Variants in TANC2 observed in about 807,000 individuals in gnomAD.
TANC2 encodes protein TANC2.
Under a neutral mutation model 210.5 loss-of-function variants are expected in TANC2, and 26 were observed. That is an observed-to-expected ratio of 0.12 (90% CI 0.09 to 0.17). TANC2 has a LOEUF of 0.17. Among genes scored for constraint, TANC2 ranks in the 10% least tolerant of loss-of-function variants. The pLI, the probability that TANC2 is intolerant of heterozygous loss-of-function variation, is 1.00. For missense variants in TANC2, 2,129 were observed against 2,608.9 expected (o/e 0.82, Z 4.01); for synonymous variants, 931 against 967.1 (o/e 0.96, Z 0.69).
exon 28 of TANC2, chr17:63,422,313 C>CT (rs1472216435): frequency 1.1e-5 from 2 of 190,060 alleles, no homozygotes; most frequent in African/African-American, 4.7e-5. Context: ...TGTCTTTTTC[C>CT]TTTTTTAAAA....
intron 4 of TANC2, chr17:63,149,138 T>A (rs1447615306): frequency 6.6e-6 from 1 of 152,132 alleles, no homozygotes; most frequent in Non-Finnish European, 1.5e-5. Flanking sequence ...TTGGTATACA[T>A]CGAGCTTCAT....
intron 4 of TANC2, among the ~76,000 whole-genome samples, chr17:63,129,180 C>A (rs575461860): frequency 2.0e-5 from 3 of 151,748 alleles, no homozygotes; most frequent in Admixed American, 2.0e-4. Flanking sequence ...TTAATTTTAA[C>A]TTTTGTAGAG....
intron 1 of TANC2, among the ~76,000 whole-genome samples, chr17:62,992,423 T>C (rs1484020887): frequency 2.6e-5 from 4 of 152,244 alleles, no homozygotes; most frequent in Admixed American, 6.5e-5. Context: ...TCAGACATGG[T>C]ATAAATTTTT....
Position 63,073,969 on chromosome 17 carries a change from C to G in TANC2, c.94C>G (p.Arg32Gly), listed in dbSNP as rs1468782400. 7 of 1,589,626 alleles carry G rather than the reference C, an allele frequency of 4.4e-6. No homozygotes were observed. Among genetic ancestry groups the G allele is most frequent in the Admixed American group, 3.5e-5 (2 of 56,922 alleles). The change falls in exon 3 of 28, where the codon CGA (arginine) becomes GGA (glycine). Residue 32 changes from arginine (R) to glycine (G), a missense_variant. Arg to Gly is a moderately radical substitution (Grantham distance 125). Transcript: ENST00000689528. ...TGGAGGGAGCGAGGAACCACCGGAT[C>G]GAAGACAGTCAAGTGTAGACTCTCG...
At chr17:63,055,986 AAAAAATATATATATATAT>A (rs1288290627) in intron 2 of TANC2, among the ~76,000 whole-genome samples, 5 of 11,204 alleles carry the variant, frequency 4.5e-4, no homozygotes, top group Admixed American at 1.7e-3. Context: ...AAAAAAAAAA[AAAAAATATATATATATAT>A]ATATATATAT....
intron 4 of TANC2, among the ~76,000 whole-genome samples, chr17:63,119,513 G>C (rs1436365657): frequency 1.3e-5 from 2 of 152,096 alleles, no homozygotes; most frequent in Non-Finnish European, 2.9e-5. Context: ...ACAAGATTTT[G>C]CTTCCGTCAT....
chr17:63,148,558 T>TTG (rs1283977098), intron 4 of TANC2: 1 of 152,160 alleles, frequency 6.6e-6, no homozygotes, highest in African/African-American at 2.4e-5. Context: ...ACTCAAGTCA[T>TTG]TGAGGGCATA....
At chr17:63,140,994 C>T (rs1019072066) in intron 4 of TANC2, among the ~76,000 whole-genome samples, 2 of 151,950 alleles carry the variant, frequency 1.3e-5, no homozygotes, top group African/African-American at 4.8e-5. Flanking sequence ...AAGTGATTCA[C>T]CTGCCTTGGC....
intron 5 of TANC2, among the ~76,000 whole-genome samples, chr17:63,172,003 T>C (rs2040420264): frequency 6.6e-6 from 1 of 152,184 alleles, no homozygotes; most frequent in African/African-American, 2.4e-5. Flanking sequence ...AGAGCAATGA[T>C]ATTTTATTTT....
At chr17:63,050,574 A>T (rs565239537) in intron 2 of TANC2, among the ~76,000 whole-genome samples, 125 of 152,288 alleles carry the variant, frequency 8.2e-4, no homozygotes, top group African/African-American at 2.9e-3. Context: ...TCATGTAGAG[A>T]CTGGGGAGAT....
chr17:63,411,965 T>G, intron 22 of TANC2, 33 bp from the exon 23 acceptor site: 1 of 1,612,604 alleles, frequency 6.2e-7, no homozygotes, highest in South Asian at 1.1e-5. Context: ...CCATTACGCC[T>G]GTCCTAACTT....
intron 5 of TANC2, among the ~76,000 whole-genome samples, chr17:63,156,512 G>A (rs2039845260): frequency 6.6e-6 from 1 of 152,052 alleles, no homozygotes; most frequent in South Asian, 2.1e-4. Flanking sequence ...AATGAAAAAG[G>A]AAATAATAGA....
At chr17:63,277,337 A>G (rs547310427) in intron 9 of TANC2, among the ~76,000 whole-genome samples, 6 of 149,818 alleles carry the variant, frequency 4.0e-5, no homozygotes, top group Non-Finnish European at 8.9e-5. Context: ...GGTTCATTAC[A>G]TAAGTAAACT....
At chr17:63,364,203 TC>T (rs2146968238) in intron 14 of TANC2, among the ~76,000 whole-genome samples, 2 of 152,346 alleles carry the variant, frequency 1.3e-5, no homozygotes, top group Admixed American at 1.3e-4. Flanking sequence ...TGAAATATGT[TC>T]AATTTGCCAA....
chr17:63,238,712 G>C (rs1351595962), intron 8 of TANC2, among the ~76,000 whole-genome samples: 1 of 152,114 alleles, frequency 6.6e-6, no homozygotes, highest in Non-Finnish European at 1.5e-5. Context: ...ACCTGAGACT[G>C]GATAATTTAT....
At chr17:63,288,292 T>A (rs997404029) in intron 9 of TANC2, among the ~76,000 whole-genome samples, 1 of 152,216 alleles carries the variant, frequency 6.6e-6, no homozygotes, top group Non-Finnish European at 1.5e-5. Flanking sequence ...CTGGGTTCTC[T>A]CTCTTTGCAT....
chr17:63,132,225 C>T (rs1047816759), intron 4 of TANC2, among the ~76,000 whole-genome samples: 2 of 151,980 alleles, frequency 1.3e-5, no homozygotes, highest in African/African-American at 4.8e-5. Flanking sequence ...GCTTCTACCT[C>T]TATCCTACTA....
At chr17:63,001,920 C>A (rs2033407249) in intron 1 of TANC2, among the ~76,000 whole-genome samples, 1 of 152,182 alleles carries the variant, frequency 6.6e-6, no homozygotes, top group Non-Finnish European at 1.5e-5. Flanking sequence ...TTGATAAATT[C>A]AGCAAATATT....
intron 4 of TANC2, among the ~76,000 whole-genome samples, chr17:63,116,826 A>AT (rs2038269220): frequency 1.3e-5 from 2 of 152,226 alleles, no homozygotes. Flanking sequence ...TCACTGTATA[A>AT]TTTTAACACT....
Sources: gnomAD v4.1 joint callset for allele counts (sites outside exome capture counted in the v4.1 genomes callset) on GRCh38, gnomAD v4.1.1 for gene constraint, MANE v1.5 for transcripts, NCBI Gene and HGNC (gene_info 2026-07-23, HGNC 2026-07-21) for gene names.